Variants in ALG10B observed in about 807,000 individuals in gnomAD.
ALG10B encodes the protein dol-P-Glc:Glc(2)Man(9)GlcNAc(2)-PP-Dol alpha-1,2-glucosyltransferase B.
A neutral mutation model predicts 38.7 loss-of-function variants in ALG10B; 27 were observed. That is an observed-to-expected ratio of 0.70 (90% CI 0.51 to 0.96). The LOEUF is 0.96. Among genes scored for constraint, ALG10B ranks in the 40% least tolerant of loss-of-function variants. The probability of loss-of-function intolerance (pLI) is 0.00; values close to 1 mark genes in which losing one functional copy is unlikely to be tolerated. For missense variants in ALG10B, 522 were observed against 542.7 expected (o/e 0.96, Z 0.38); for synonymous variants, 177 against 193.3 (o/e 0.92, Z 0.70).
Position 38,325,569 on chromosome 12 carries a change from A to T in ALG10B, c.*4356A>T, listed in dbSNP as rs530876317. ...GCAAGCGTTTATTATCTTTGAAGTA[A>T]TTGGAATTTCATTAAAAAGTGAAGC... On this transcript the variant is annotated 3_prime_UTR_variant, in exon 3 of 3. Transcript: ENST00000308742. 6.6e-6 allele frequency: 1 copy of T among 152,344 alleles called. No homozygotes were observed. The highest frequency in any genetic ancestry group is 2.1e-4 in the South Asian group (1 of 4,830). The allele number at this position is 152,344 out of a possible 1,614,324, so 9.4% of individuals were successfully genotyped here.
In ALG10B at chr12:38,327,189, G is replaced by A. The variant is rs1174988734; in HGVS notation, c.*5976G>A. 6.8e-6 allele frequency: 1 copy of A among 147,730 alleles called. No individual in the cohort carries two copies. Among genetic ancestry groups the A allele is most frequent in the Non-Finnish European group, 1.5e-5 (1 of 67,396 alleles). The allele number at this position is 147,730 out of a possible 1,614,324, so 9.2% of individuals were successfully genotyped here. A position where few individuals can be genotyped will look rare whatever the true frequency, so the allele number is the denominator to read the frequency against. On this transcript the variant is annotated 3_prime_UTR_variant, in exon 3 of 3. Coordinates refer to ENST00000308742, the MANE Select transcript of ALG10B (RefSeq NM_001013620.4). ...TGTGTGGGCTGGTCTCAAAACACCT[G>A]CCTCAAGTGATCCTCCCACCTTGGC... is the stretch of plus-strand genomic sequence containing the variant.
rs750568947 is a variant in ALG10B, at chr12:38,324,038, G to A, written c.*2825G>A. ...CACTGTTCTATATCTTTTTTTGTTT[G>A]TTTTTGTCTTTGAGGAGAAGTCTCG... On this transcript the variant is annotated 3_prime_UTR_variant, in exon 3 of 3. Coordinates refer to ENST00000308742, the MANE Select transcript of ALG10B (RefSeq NM_001013620.4). 1.0e-5 allele frequency: 7 copies of A among 675,770 alleles called. No individual in the cohort carries two copies. Among genetic ancestry groups the A allele is most frequent in the Non-Finnish European group, 1.6e-5 (6 of 374,574 alleles). The allele number at this position is 675,770 out of a possible 1,614,324, so 41.9% of individuals were successfully genotyped here. A position where few individuals can be genotyped will look rare whatever the true frequency, so the allele number is the denominator to read the frequency against.
At position 38,329,318 on chromosome 12, in the gene ALG10B, G is replaced by A; in HGVS notation, c.*8105G>A. 2.5e-6 allele frequency: 1 copy of A among 397,728 alleles called. No homozygotes were observed. Among genetic ancestry groups the A allele is most frequent in the Non-Finnish European group, 4.4e-6 (1 of 225,644 alleles). The allele number at this position is 397,728 out of a possible 1,614,324, so 24.6% of individuals were successfully genotyped here. A position where few individuals can be genotyped will look rare whatever the true frequency, so the allele number is the denominator to read the frequency against. On this transcript the variant is annotated 3_prime_UTR_variant, in exon 3 of 3. Coordinates refer to ENST00000308742, the MANE Select transcript of ALG10B (RefSeq NM_001013620.4). ...AAATAACTCAGGGCTGGAGCCTTCA[G>A]CCATATTAACATACATTGACATAAA...
At chr12:38,317,316 G>T (rs1277303350) in intron 1 of ALG10B, 4 of 585,880 alleles carry the variant, frequency 6.8e-6, no homozygotes, top group Non-Finnish European at 1.2e-5. Context: ...GGAACTGAGC[G>T]CTCCTCTTGG....
In ALG10B at chr12:38,320,892, A is replaced by C. The variant is rs1466188084; in HGVS notation, c.1101A>C (p.Ala367=). ...GGAAAAGAGTTTTTCAAAGATATGC[A>C]ATTCTGAAATATTTGTTAGTTCCAG... is the stretch of plus-strand genomic sequence containing the variant. ...YVWKRVFQRY[A]ILKYLLVPAY... is the part of the protein sequence containing the mutation. The change falls in exon 3 of 3, where the codon GCA becomes GCC. Residue 367 remains alanine (A), a synonymous_variant. Coordinates refer to ENST00000308742, the MANE Select transcript of ALG10B (RefSeq NM_001013620.4). 10 of 1,613,668 alleles carry C rather than the reference A, an allele frequency of 6.2e-6. No individual in the cohort carries two copies. In the East Asian group the frequency reaches 8.9e-5, roughly 14 times the overall value.
chr12:38,317,796 G>T (rs1043376311), intron 1 of ALG10B: 7 of 176,570 alleles, frequency 4.0e-5, no homozygotes, highest in Non-Finnish European at 8.5e-5. Flanking sequence ...TTACTCATCT[G>T]CAAAATGACA....
At chr12:38,319,058 A>G (rs1945680094) in intron 2 of ALG10B, among the ~76,000 whole-genome samples, 1 of 152,234 alleles carries the variant, frequency 6.6e-6, no homozygotes, top group Non-Finnish European at 1.5e-5. Context: ...AGGGCTCAGT[A>G]AATATTAACT....
At position 38,328,286 on chromosome 12, in the gene ALG10B, T is replaced by A. The variant is rs1290586810; in HGVS notation, c.*7073T>A. 3.3e-5 allele frequency: 5 copies of A among 152,204 alleles called. No homozygotes were observed. Among genetic ancestry groups the A allele is most frequent in the Admixed American group, 2.6e-4 (4 of 15,286 alleles). 9.4% of individuals were successfully genotyped at this position (152,204 alleles called of 1,614,324 possible). A position where few individuals can be genotyped will look rare whatever the true frequency, so the allele number is the denominator to read the frequency against. On this transcript the variant is annotated 3_prime_UTR_variant, in exon 3 of 3. Coordinates refer to ENST00000308742, the MANE Select transcript of ALG10B (RefSeq NM_001013620.4). ...TTTTAAGTTTCTAAACCAAAACTAC[T>A]ATTTGACTCTATTACACCCTGTTTT...
Position 38,329,000 on chromosome 12 carries a change from T to C in ALG10B, c.*7787T>C. 1 of 390,420 alleles carries C rather than the reference T, an allele frequency of 2.6e-6. No homozygotes were observed. Among genetic ancestry groups the C allele is most frequent in the Non-Finnish European group, 4.5e-6 (1 of 221,322 alleles). The allele number at this position is 390,420 out of a possible 1,614,324, so 24.2% of individuals were successfully genotyped here. A position where few individuals can be genotyped will look rare whatever the true frequency, so the allele number is the denominator to read the frequency against. On this transcript the variant is annotated 3_prime_UTR_variant, in exon 3 of 3. Transcript: ENST00000308742. ...AAGATTACAAAATAACTGTCTGAGC[T>C]GGGATTCGTAACCAGGCAGCCTGAC... is the stretch of plus-strand genomic sequence containing the variant.
chr12:38,321,151 A>T lies in ALG10B; in HGVS notation c.1360A>T (p.Ile454Phe). 1 of 1,612,982 alleles carries T rather than the reference A, an allele frequency of 6.2e-7. No individual in the cohort carries two copies. The highest frequency in any genetic ancestry group is 8.5e-7 in the Non-Finnish European group (1 of 1,179,554). The change falls in exon 3 of 3, where the codon ATC becomes TTC. Residue 454 changes from isoleucine to phenylalanine, a missense_variant. Transcript: ENST00000308742. The stretch of plus-strand genomic sequence containing the variant: ...AATTGTTAATTTCATAACTTTTTAC[A>T]TCTTTCTGAACAAGACTTTTCAGTG... ...YAIVNFITFY[I>F]FLNKTFQWPN...
Position 38,328,924 on chromosome 12 carries a change from A to G in ALG10B, c.*7711A>G, listed in dbSNP as rs1376213995. On this transcript the variant is annotated 3_prime_UTR_variant, in exon 3 of 3. Transcript: ENST00000308742. The stretch of plus-strand genomic sequence containing the variant: ...AGTCTCATAACAACTCTATGAGATC[A>G]GTACCGTACACATGGGGAAACTTAG... The G allele has an allele frequency of 6.3e-6, 2 of 317,072 alleles. No homozygotes were observed. Among genetic ancestry groups the G allele is most frequent in the African/African-American group, 2.1e-5 (1 of 46,906 alleles). The allele number at this position is 317,072 out of a possible 1,614,324, so 19.6% of individuals were successfully genotyped here.
rs1404110166 is a variant in ALG10B, at chr12:38,323,725, G to C, written c.*2512G>C. 1.7e-6 allele frequency: 1 copy of C among 594,518 alleles called. No homozygotes were observed. Among genetic ancestry groups the C allele is most frequent in the Non-Finnish European group, 3.0e-6 (1 of 336,874 alleles). 36.8% of individuals were successfully genotyped at this position (594,518 alleles called of 1,614,324 possible). A position where few individuals can be genotyped will look rare whatever the true frequency, so the allele number is the denominator to read the frequency against. On this transcript the variant is annotated 3_prime_UTR_variant, in exon 3 of 3. Transcript: ENST00000308742. ...GGCATTAGTTATAACAGTGATTGTA[G>C]AAAAACGTGTTTTACCCAGACTTCT...
chr12:38,323,440 G>A lies in ALG10B; in HGVS notation c.*2227G>A. 6.5e-6 allele frequency: 1 copy of A among 153,296 alleles called. No homozygotes were observed. Among genetic ancestry groups the A allele is most frequent in the Non-Finnish European group, 1.5e-5 (1 of 68,808 alleles). 9.5% of individuals were successfully genotyped at this position (153,296 alleles called of 1,614,324 possible). A position where few individuals can be genotyped will look rare whatever the true frequency, so the allele number is the denominator to read the frequency against. ...TCCATTACAGGAAAGTATTATTTGGGCATGTTAACTTTGACATGTAAACTT... is the reference window on the plus strand; with the variant it reads ...TCCATTACAGGAAAGTATTATTTGGACATGTTAACTTTGACATGTAAACTT... On this transcript the variant is annotated 3_prime_UTR_variant, in exon 3 of 3. Coordinates refer to ENST00000308742, the MANE Select transcript of ALG10B (RefSeq NM_001013620.4).
At chr12:38,317,186 A>G in intron 1 of ALG10B, 122 bp downstream of exon 1, 2 of 1,377,440 alleles carry the variant, frequency 1.5e-6, no homozygotes, top group Admixed American at 4.1e-5. Context: ...TCAGAACATG[A>G]AAGAAACTGG....
rs1036250251 is a variant in ALG10B, at chr12:38,326,057, G to C, written c.*4844G>C. 6.6e-6 allele frequency: 1 copy of C among 151,964 alleles called. No homozygotes were observed. The highest frequency in any genetic ancestry group is 2.4e-5 in the African/African-American group (1 of 41,392). The allele number at this position is 151,964 out of a possible 1,614,324, so 9.4% of individuals were successfully genotyped here. The stretch of plus-strand genomic sequence containing the variant: ...GACCCAGTGTTAACAATTTTTATTT[G>C]CCTTAGTGCAAGCTTGTTCAACCCA... On this transcript the variant is annotated 3_prime_UTR_variant, in exon 3 of 3. Coordinates refer to ENST00000308742, the MANE Select transcript of ALG10B (RefSeq NM_001013620.4).
In ALG10B at chr12:38,323,097, G is replaced by A. The variant is rs1177158971; in HGVS notation, c.*1884G>A. ...GAGTGCAGACTTCTCTTTGACATAC[G>A]GATTTCAAATCTTCTGGATAAATAG... On this transcript the variant is annotated 3_prime_UTR_variant, in exon 3 of 3. Transcript: ENST00000308742. The A allele has an allele frequency of 1.3e-5, 2 of 152,000 alleles. No homozygotes were observed. The highest frequency in any genetic ancestry group is 6.6e-5 in the Admixed American group (1 of 15,256). 9.4% of individuals were successfully genotyped at this position (152,000 alleles called of 1,614,324 possible).
At position 38,329,124 on chromosome 12, in the gene ALG10B, A is replaced by G. The variant is rs141938577; in HGVS notation, c.*7911A>G. 704 of 398,158 alleles carry G rather than the reference A, an allele frequency of 1.8e-3. 5 individuals carry two copies. The highest frequency in any genetic ancestry group is 0.013 in the African/African-American group (638 of 48,740). 24.7% of individuals were successfully genotyped at this position (398,158 alleles called of 1,614,324 possible). A position where few individuals can be genotyped will look rare whatever the true frequency, so the allele number is the denominator to read the frequency against. On this transcript the variant is annotated 3_prime_UTR_variant, in exon 3 of 3. Transcript: ENST00000308742. ...TTTAGAAGGAAAAATTGTCGCAAGT[A>G]ATGTGATTATACTTCCTAGTTTTAT... is the stretch of plus-strand genomic sequence containing the variant.
chr12:38,318,356 T>C lies in ALG10B; in HGVS notation c.267T>C (p.Val89=). 3.1e-6 allele frequency: 5 copies of C among 1,614,150 alleles called. No individual in the cohort carries two copies. Among genetic ancestry groups the C allele is most frequent in the Middle Eastern group, 1.6e-4 (1 of 6,062 alleles). The change falls in exon 2 of 3, where the codon GTT becomes GTC. Residue 89 remains valine, a synonymous_variant. Coordinates refer to ENST00000308742, the MANE Select transcript of ALG10B (RefSeq NM_001013620.4). ...AIWIFAWSEH[V]VCSIGMLRFV... ...GGATCTTTGCATGGTCTGAACATGTTGTCTGCTCCATTGGGATGCTCAGAT... is the reference window on the plus strand; with the variant it reads ...GGATCTTTGCATGGTCTGAACATGTCGTCTGCTCCATTGGGATGCTCAGAT...
chr12:38,317,307 G>T, intron 1 of ALG10B: 2 of 630,910 alleles, frequency 3.2e-6, no homozygotes, highest in Non-Finnish European at 5.3e-6. Flanking sequence ...ACTTAGTGGG[G>T]AACTGAGCGC....
Sources: allele counts gnomAD v4.1 joint callset (sites outside exome capture counted in the v4.1 genomes callset), GRCh38; gene constraint gnomAD v4.1.1; transcripts MANE v1.5; gene names NCBI Gene and HGNC (gene_info 2026-07-23, HGNC 2026-07-21).